AK8: variants seen among roughly 807,000 people sequenced by gnomAD.
The protein encoded by AK8 is adenylate kinase 8.
A neutral mutation model predicts 54.6 loss-of-function variants in AK8; 44 were observed. The observed-to-expected ratio is 0.81, with a 90% CI of 0.63 to 1.04. The LOEUF (loss-of-function observed/expected upper bound fraction) is 1.04. Among genes scored for constraint, AK8 ranks in the 50% least tolerant of loss-of-function variants. The pLI is 0.00. For synonymous variants in AK8, 239 were observed against 245.6 expected, an observed-to-expected ratio of 0.97 and a Z score of 0.25; for missense variants, 555 against 613.6, an observed-to-expected ratio of 0.90 and a Z score of 1.01.
In AK8 at chr9:132,816,320, A is replaced by G. The variant is rs140244759; in HGVS notation, c.890-1593T>C. Among the ~76,000 whole-genome samples the G allele has an allele frequency of 1.3e-4, 19 of 150,848 alleles. No individual in the cohort carries two copies. In the East Asian group the frequency reaches 3.7e-3, roughly 29 times the overall value. ...AGTGAGCAGAGATTGGCACCACTAC[A>G]CTCCAGCCTGGGTGACAGAGGGAGA... On this transcript the variant is annotated intron_variant, in intron 9 of 12. Coordinates refer to ENST00000298545, the MANE Select transcript of AK8 (RefSeq NM_152572.3).
At chr9:132,800,546 G>T (rs1840397369) in intron 10 of AK8, among the ~76,000 whole-genome samples, 1 of 152,118 alleles carries the variant, frequency 6.6e-6, no homozygotes. Flanking sequence ...GCCGGGCCTT[G>T]GTTCCCCAAG....
chr9:132,735,255 A>G (rs1011321776), intron 11 of AK8, among the ~76,000 whole-genome samples: 1 of 152,216 alleles, frequency 6.6e-6, no homozygotes, highest in African/African-American at 2.4e-5. Flanking sequence ...TTCTGTTTGA[A>G]GAACACAGGA....
intron 11 of AK8, among the ~76,000 whole-genome samples, chr9:132,782,796 G>T (rs917890389): frequency 6.6e-6 from 1 of 152,146 alleles, no homozygotes. Context: ...TTAGCCTTTG[G>T]GTACTTTGGT....
At position 132,774,939 on chromosome 9, in the gene AK8, A is replaced by C. The variant is rs1051739849; in HGVS notation, c.1121+17695T>G. On this transcript the variant is annotated intron_variant, in intron 11 of 12. Coordinates refer to ENST00000298545, the MANE Select transcript of AK8 (RefSeq NM_152572.3). ...GCTTGGAATCCACAGGAGGGAAAGA[A>C]ATTGAGATGCGCTTTGCCAATGAAG... Among the ~76,000 whole-genome samples the C allele has an allele frequency of 9.9e-5, 15 of 152,190 alleles. 1 individual carries two copies. Among genetic ancestry groups the C allele is most frequent in the Non-Finnish European group, 1.5e-4 (10 of 68,032 alleles).
intron 2 of AK8, among the ~76,000 whole-genome samples, chr9:132,868,563 C>T (rs1314186223): frequency 6.6e-6 from 1 of 152,146 alleles, no homozygotes; most frequent in East Asian, 1.9e-4. Flanking sequence ...TGTGGAGGCC[C>T]GTGATCAAGT....
intron 11 of AK8, 56 bp downstream of exon 11, chr9:132,792,578 G>A (rs1307980574): frequency 6.6e-7 from 1 of 1,524,718 alleles, no homozygotes; most frequent in African/African-American, 1.4e-5. Flanking sequence ...CTGAGCCCTG[G>A]AGAGGGGGTG....
chr9:132,841,435 C>T (rs796621597), intron 5 of AK8, among the ~76,000 whole-genome samples: 2 of 152,368 alleles, frequency 1.3e-5, no homozygotes, highest in African/African-American at 4.8e-5. Context: ...GTGGGGGTAG[C>T]ATCCATACAT....
intron 6 of AK8, 105 bp from the exon 7 acceptor site, chr9:132,828,189 A>G: frequency 9.9e-7 from 1 of 1,011,346 alleles, no homozygotes; most frequent in Non-Finnish European, 1.5e-6. Context: ...GCTTTTCTGT[A>G]TAATGACATT....
chr9:132,836,363 T>C (rs1842322025), intron 5 of AK8, among the ~76,000 whole-genome samples: 1 of 152,180 alleles, frequency 6.6e-6, no homozygotes, highest in Non-Finnish European at 1.5e-5. Flanking sequence ...GTTTTATCAT[T>C]ATAATTTTGA....
chr9:132,763,721 C>T (rs144178229), intron 11 of AK8, among the ~76,000 whole-genome samples: 80 of 152,342 alleles, frequency 5.3e-4, no homozygotes, highest in Non-Finnish European at 1.0e-3. Context: ...CACTTGGCAG[C>T]GCTGGTGTCA....
chr9:132,792,773 G>A lies in AK8; in HGVS notation c.982C>T (p.Pro328Ser), dbSNP rs150636539. ...QPFFEKEMAVPDSLLMKVLSQ... is the reference protein window; with the variant it reads ...QPFFEKEMAVSDSLLMKVLSQ... ...AGCACCTTCATGAGGAGGCTGTCAG[G>A]AACTGCAGAGAAGGGGGGCAAGTGA... is the stretch of plus-strand genomic sequence containing the variant. The change falls in exon 11 of 13, where the codon CCT becomes TCT. Residue 328 changes from proline (P) to serine (S), a missense_variant and splice_region_variant. Pro to Ser is a moderately conservative substitution (Grantham distance 74). Coordinates refer to ENST00000298545, the MANE Select transcript of AK8 (RefSeq NM_152572.3). The A allele has an allele frequency of 1.3e-3, 2,028 of 1,558,302 alleles. 4 individuals are homozygous for A. Among genetic ancestry groups the A allele is most frequent in the Non-Finnish European group, 1.6e-3 (1,894 of 1,150,918 alleles).
Position 132,749,983 on chromosome 9 carries a change from A to G in AK8, c.1122-22449T>C, listed in dbSNP as rs74375705. On this transcript the variant is annotated intron_variant, in intron 11 of 12. Transcript: ENST00000298545. ...CTCGAGATACTGACAGCACACTCCT[A>G]GAGATACTGACAGCACACTCTTGGA... Among the ~76,000 whole-genome samples the G allele has an allele frequency of 2.1e-3, 316 of 148,470 alleles. 1 individual carries two copies. The highest frequency in any genetic ancestry group is 0.013 in the East Asian group (62 of 4,824).
At chr9:132,847,263 A>G (rs1842788342) in intron 5 of AK8, among the ~76,000 whole-genome samples, 2 of 152,364 alleles carry the variant, frequency 1.3e-5, no homozygotes, top group South Asian at 4.1e-4. Flanking sequence ...CAGGTCTTCT[A>G]CCACCAGGCG....
Position 132,781,264 on chromosome 9 carries a change from GATCA to G in AK8, c.1121+11366_1121+11369del, listed in dbSNP as rs1189529887. Among the ~76,000 whole-genome samples the G allele has an allele frequency of 6.6e-6, 1 of 151,602 alleles. No individual in the cohort carries two copies. Among genetic ancestry groups the G allele is most frequent in the Non-Finnish European group, 1.5e-5 (1 of 67,950 alleles). On this transcript the variant is annotated intron_variant, in intron 11 of 12. Transcript: ENST00000298545. This position sits in a 1 kb window ranked among gnomAD's most constrained non-coding sequence, Gnocchi z 4.6. ...TAACTTTTTTTCCTTCTTTTCGACA[GATCA>G]ATTACTTGGTTTGTTTCCCTTACTG...
chr9:132,841,920 T>C (rs985747026), intron 5 of AK8, among the ~76,000 whole-genome samples: 1 of 152,102 alleles, frequency 6.6e-6, no homozygotes, highest in Non-Finnish European at 1.5e-5. Flanking sequence ...AGACTGGTTC[T>C]CAAAAACCTG....
At chr9:132,805,878 A>G (rs756614472) in intron 10 of AK8, among the ~76,000 whole-genome samples, 11 of 152,246 alleles carry the variant, frequency 7.2e-5, no homozygotes, top group Non-Finnish European at 1.3e-4. Context: ...TTTGACTTGA[A>G]AAAAGGAGCT....
At chr9:132,741,560 C>T (rs1837394300) in intron 11 of AK8, among the ~76,000 whole-genome samples, 3 of 152,180 alleles carry the variant, frequency 2.0e-5, no homozygotes, top group Admixed American at 1.3e-4. Context: ...ATCCCCCTTC[C>T]AGAAAGAGCT....
intron 10 of AK8, among the ~76,000 whole-genome samples, chr9:132,814,058 A>C (rs1841200425): frequency 6.6e-6 from 1 of 152,034 alleles, no homozygotes; most frequent in Non-Finnish European, 1.5e-5. Context: ...CAGGAGGATC[A>C]CTTGAGCCCA....
chr9:132,850,046 C>T (rs1343678684), intron 5 of AK8, among the ~76,000 whole-genome samples: 2 of 147,356 alleles, frequency 1.4e-5, no homozygotes, highest in Admixed American at 1.4e-4. Flanking sequence ...TGCATTCAAC[C>T]CTAGTACATT....
Sources: allele counts gnomAD v4.1 joint callset (sites outside exome capture counted in the v4.1 genomes callset), GRCh38; gene constraint gnomAD v4.1.1; non-coding constraint Gnocchi (gnomAD v3.1); transcripts MANE v1.5; gene names NCBI Gene and HGNC (gene_info 2026-07-23, HGNC 2026-07-21).